The following LRIG1 variants were observed in gnomAD, a reference collection of about 807,000 sequenced individuals.
LRIG1 encodes leucine-rich repeats and immunoglobulin-like domains protein 1.
Under a neutral mutation model 99.2 loss-of-function variants are expected in LRIG1, and 48 were observed. The ratio of observed to expected loss-of-function variants is 0.48; its 90% CI spans 0.38 to 0.62. The LOEUF is 0.62. Ranked by LOEUF, LRIG1 falls within the 20% of genes least tolerant of loss-of-function variation. LRIG1 has a pLI of 0.00. For synonymous variants in LRIG1, 772 were observed against 596.1 expected (o/e 1.29, Z -4.30); for missense variants, 1,646 against 1,434.4 (o/e 1.15, Z -2.38).
At chr3:66,487,552 G>C (rs1250334484) in intron 1 of LRIG1, among the ~76,000 whole-genome samples, 1 of 152,140 alleles carries the variant, frequency 6.6e-6, no homozygotes, top group Non-Finnish European at 1.5e-5. Context: ...GAAATTGAAT[G>C]ATCCCTGCTG....
chr3:66,400,880 AAC>A (rs1702026494), intron 9 of LRIG1, among the ~76,000 whole-genome samples: 1 of 152,130 alleles, frequency 6.6e-6, no homozygotes, highest in Non-Finnish European at 1.5e-5. Context: ...GCCTCCTGGA[AAC>A]ACAGGCTCAC....
At chr3:66,487,520 A>T (rs535135005) in intron 1 of LRIG1, among the ~76,000 whole-genome samples, 33 of 152,194 alleles carry the variant, frequency 2.2e-4, no homozygotes, top group Non-Finnish European at 4.6e-4. Context: ...ACAAATAATT[A>T]TCAAGGGACT....
chr3:66,468,972 T>G (rs558959401), intron 1 of LRIG1: 1 of 152,246 alleles, frequency 6.6e-6, no homozygotes, highest in Admixed American at 6.5e-5. Context: ...CCCAGAATAT[T>G]AGATGTTCTT....
intron 1 of LRIG1, among the ~76,000 whole-genome samples, chr3:66,468,409 T>C (rs187849509): frequency 6.6e-6 from 1 of 152,334 alleles, no homozygotes; most frequent in East Asian, 1.9e-4. Context: ...GAATTGGTCC[T>C]AAATCCGTGA....
Position 66,415,004 on chromosome 3 carries a change from C to G in LRIG1, c.563G>C (p.Arg188Pro), listed in dbSNP as rs763941638. The G allele has an allele frequency of 3.1e-6, 5 of 1,612,510 alleles. No homozygotes were observed. The highest frequency in any genetic ancestry group is 4.2e-6 in the Non-Finnish European group (5 of 1,179,258). ...LELGAFDGLSRSLLTLRLSKN... is the reference protein window; with the variant it reads ...LELGAFDGLSPSLLTLRLSKN... ...GCTCAGGCGAAGAGTTAGCAGCGAC[C>G]GTGACAGACCATCAAATGCTCCCAA... Residue 188 changes from arginine (R) to proline (P), a missense_variant, in exon 5 of 19, where the codon CGG (arginine) becomes CCG (proline). Transcript: ENST00000273261.
chr3:66,392,043 G>A (rs1238623013), intron 12 of LRIG1, among the ~76,000 whole-genome samples: 2 of 152,152 alleles, frequency 1.3e-5, no homozygotes, highest in Non-Finnish European at 2.9e-5. Context: ...TTCTATGAAT[G>A]GAATCATATA....
At chr3:66,454,583 C>T (rs1053746618) in intron 2 of LRIG1, among the ~76,000 whole-genome samples, 1 of 152,152 alleles carries the variant, frequency 6.6e-6, no homozygotes, top group African/African-American at 2.4e-5. Context: ...CTCTCTGAAA[C>T]GTCTGGTCTC....
chr3:66,454,362 C>A (rs948701632), intron 2 of LRIG1, among the ~76,000 whole-genome samples: 4 of 152,182 alleles, frequency 2.6e-5, no homozygotes, highest in African/African-American at 7.2e-5. Flanking sequence ...TCAAAAATAG[C>A]ACAGCTACAG....
In LRIG1 at chr3:66,484,974, T is replaced by C. The variant is rs148784532; in HGVS notation, c.218+15216A>G. Among the ~76,000 whole-genome samples the C allele has an allele frequency of 1.3e-3, 199 of 152,030 alleles. 3 individuals are homozygous for C. The East Asian group carries it at 0.031, about 24-fold the overall frequency. ...TTCGAGACCAGCCTAGGCAACATGA[T>C]GAAACCCTGTCTCTACCCCCAAAAA... On this transcript the variant is annotated intron_variant, in intron 1 of 18. Transcript: ENST00000273261.
intron 9 of LRIG1, among the ~76,000 whole-genome samples, chr3:66,399,834 G>A (rs575553377): frequency 1.3e-5 from 2 of 152,274 alleles, no homozygotes; most frequent in African/African-American, 4.8e-5. Context: ...TGGGAATAAA[G>A]CTTCCCAAAA....
chr3:66,433,674 G>A (rs1357173435), intron 3 of LRIG1, among the ~76,000 whole-genome samples: 1 of 152,354 alleles, frequency 6.6e-6, no homozygotes, highest in South Asian at 2.1e-4. Context: ...CAAGCCTTCA[G>A]CATATGACCT....
At chr3:66,478,603 C>T (rs1246949228) in intron 1 of LRIG1, among the ~76,000 whole-genome samples, 2 of 152,170 alleles carry the variant, frequency 1.3e-5, no homozygotes, top group Admixed American at 6.5e-5. Flanking sequence ...TTCCCAGGCC[C>T]TGGCACCATA....
chr3:66,423,528 G>A (rs557276597), intron 3 of LRIG1, among the ~76,000 whole-genome samples: 10 of 152,290 alleles, frequency 6.6e-5, no homozygotes, highest in East Asian at 3.9e-4. Context: ...CCAAGATCAC[G>A]CCACCGCACT....
At chr3:66,483,510 CT>C (rs1700898543) in intron 1 of LRIG1, among the ~76,000 whole-genome samples, 1 of 152,258 alleles carries the variant, frequency 6.6e-6, no homozygotes, top group Admixed American at 6.5e-5. Context: ...GGAAAGCAGT[CT>C]TTCTCTCTGC....
intron 1 of LRIG1, among the ~76,000 whole-genome samples, chr3:66,490,831 CAGAT>C (rs1398319100): frequency 6.6e-6 from 1 of 152,120 alleles, no homozygotes; most frequent in Non-Finnish European, 1.5e-5. Flanking sequence ...TTGATTTTCA[CAGAT>C]AGAAGATGGA....
intron 5 of LRIG1, among the ~76,000 whole-genome samples, chr3:66,413,541 CA>C (rs927183549): frequency 1.3e-5 from 2 of 152,168 alleles, no homozygotes; most frequent in Non-Finnish European, 2.9e-5. Flanking sequence ...CACATGGGGG[CA>C]GGGGGAGATG....
intron 12 of LRIG1, chr3:66,387,980 G>T (rs1286592701): frequency 6.6e-6 from 1 of 151,006 alleles, no homozygotes; most frequent in East Asian, 1.9e-4. Flanking sequence ...GGTGGCAGGT[G>T]CCTGTAGTCC....
Position 66,384,237 on chromosome 3 carries a change from T to C in LRIG1, c.1825A>G (p.Thr609Ala). The stretch of plus-strand genomic sequence containing the variant: ...CGGGCCATGGTGGTGGTCCGGATGG[T>C]TATGTCGTGGGGCGTTTTGGTGAAT... The part of the protein sequence containing the change: ...PSFTKTPHDI[T>A]IRTTTMARLE... The change falls in exon 14 of 19, where the codon ACC becomes GCC. Residue 609 changes from threonine to alanine, a missense_variant. Coordinates refer to ENST00000273261, the MANE Select transcript of LRIG1 (RefSeq NM_015541.3). 6.2e-7 allele frequency: 1 copy of C among 1,613,234 alleles called. No homozygotes were observed. Among genetic ancestry groups the C allele is most frequent in the Non-Finnish European group, 8.5e-7 (1 of 1,179,356 alleles).
At position 66,500,951 on chromosome 3, in the gene LRIG1, T is replaced by G. The variant is rs1441234748; in HGVS notation, c.-544A>C. ...AGAGAGCGCGCGCGCGCGCGCAGCC[T>G]CGGGTTCCGCACGGCTCCTCCGCGC... On this transcript the variant is annotated 5_prime_UTR_variant, in exon 1 of 19. Coordinates refer to ENST00000273261, the MANE Select transcript of LRIG1 (RefSeq NM_015541.3). 3.3e-5 allele frequency: 5 copies of G among 151,642 alleles called. No individual in the cohort carries two copies. The highest frequency in any genetic ancestry group is 4.8e-5 in the African/African-American group (2 of 41,238). The allele number at this position is 151,642 out of a possible 1,614,324, so 9.4% of individuals were successfully genotyped here. A position where few individuals can be genotyped will look rare whatever the true frequency, so the allele number is the denominator to read the frequency against.
Sources: allele counts gnomAD v4.1 joint callset (sites outside exome capture counted in the v4.1 genomes callset), GRCh38; gene constraint gnomAD v4.1.1; transcripts MANE v1.5; gene names NCBI Gene and HGNC (gene_info 2026-07-23, HGNC 2026-07-21).